The following CDKAL1 variants were observed in gnomAD, a reference collection of about 807,000 sequenced individuals.
CDKAL1 encodes the protein threonylcarbamoyladenosine tRNA methylthiotransferase.
Under a neutral mutation model 68.2 loss-of-function variants are expected in CDKAL1, and 32 were observed. The observed-to-expected ratio is 0.47, with a 90% confidence interval of 0.35 to 0.63. CDKAL1 has a LOEUF of 0.63. Ranked by LOEUF, CDKAL1 falls within the 30% of genes least tolerant of loss-of-function variation. CDKAL1 has a pLI of 0.00. For synonymous variants in CDKAL1, 234 were observed against 244.3 expected (o/e 0.96, Z 0.39); for missense variants, 606 against 696.7 (o/e 0.87, Z 1.47).
intron 7 of CDKAL1, among the ~76,000 whole-genome samples, chr6:20,777,220 G>C (rs114084466): frequency 0.011 from 1,703 of 152,290 alleles, 32 homozygotes; most frequent in African/African-American, 0.038. Context: ...AGGCAGAAAA[G>C]AAGAGGCACT....
At chr6:20,557,166 G>A (rs141011067) in intron 4 of CDKAL1, among the ~76,000 whole-genome samples, 4 of 151,944 alleles carry the variant, frequency 2.6e-5, no homozygotes, top group East Asian at 1.9e-4. Flanking sequence ...TAAGTAATAA[G>A]TATTTACAGT....
chr6:20,850,807 G>A (rs565603774), intron 9 of CDKAL1, among the ~76,000 whole-genome samples: 2 of 152,252 alleles, frequency 1.3e-5, no homozygotes, highest in South Asian at 4.1e-4. Flanking sequence ...AGGCAAGGAA[G>A]CATTCAGAAG....
intron 13 of CDKAL1, among the ~76,000 whole-genome samples, chr6:21,193,727 T>A (rs1453907741): frequency 6.6e-6 from 1 of 152,232 alleles, no homozygotes; most frequent in Non-Finnish European, 1.5e-5. Context: ...GCTTCTGACC[T>A]TTCATTGTCC....
intron 12 of CDKAL1, among the ~76,000 whole-genome samples, chr6:21,078,711 G>A (rs1200033358): frequency 1.3e-5 from 2 of 152,040 alleles, no homozygotes; most frequent in African/African-American, 2.4e-5. Flanking sequence ...CTCACACAGC[G>A]GGGTGCAGGG....
chr6:20,797,905 C>T (rs766571323), intron 8 of CDKAL1, among the ~76,000 whole-genome samples: 5 of 151,700 alleles, frequency 3.3e-5, no homozygotes, highest in Non-Finnish European at 5.9e-5. Context: ...CGTTCTCTGT[C>T]TTCTGGGGTC....
chr6:20,655,422 C>T (rs1403745823), intron 5 of CDKAL1, among the ~76,000 whole-genome samples: 1 of 152,176 alleles, frequency 6.6e-6, no homozygotes, highest in Non-Finnish European at 1.5e-5. Flanking sequence ...GAATTCTTTA[C>T]ATCAGGGGTC....
At chr6:20,890,389 C>T (rs1240392841) in intron 9 of CDKAL1, among the ~76,000 whole-genome samples, 2 of 152,114 alleles carry the variant, frequency 1.3e-5, no homozygotes, top group Non-Finnish European at 2.9e-5. Context: ...CATCAGCACC[C>T]GGATTGGAAC....
chr6:21,013,650 T>G (rs1326094334), intron 11 of CDKAL1, among the ~76,000 whole-genome samples: 1 of 152,202 alleles, frequency 6.6e-6, no homozygotes, highest in East Asian at 1.9e-4. Flanking sequence ...AAGTTAACAT[T>G]TGTACTGTCT....
intron 13 of CDKAL1, among the ~76,000 whole-genome samples, chr6:21,167,733 C>G (rs1777209586): frequency 6.6e-6 from 1 of 152,192 alleles, no homozygotes; most frequent in African/African-American, 2.4e-5. Flanking sequence ...AGTACCTTGT[C>G]TAAGACATTC....
At chr6:21,185,416 T>C (rs1406165459) in intron 13 of CDKAL1, among the ~76,000 whole-genome samples, 1 of 152,232 alleles carries the variant, frequency 6.6e-6, no homozygotes, top group Non-Finnish European at 1.5e-5. Context: ...TTATCTTTGT[T>C]AGTAATCACC....
chr6:21,072,884 A>G (rs1234978792), intron 12 of CDKAL1, among the ~76,000 whole-genome samples: 2 of 152,162 alleles, frequency 1.3e-5, no homozygotes, highest in East Asian at 3.9e-4. Context: ...CCTAGGTGGT[A>G]TACATTATAT....
chr6:21,018,883 G>A (rs1220650462), intron 11 of CDKAL1, among the ~76,000 whole-genome samples: 1 of 152,036 alleles, frequency 6.6e-6, no homozygotes, highest in Non-Finnish European at 1.5e-5. Flanking sequence ...GTGGTAAAAG[G>A]GAAGATATAC....
chr6:21,163,850 C>T (rs181430113), intron 13 of CDKAL1, among the ~76,000 whole-genome samples: 1 of 152,216 alleles, frequency 6.6e-6, no homozygotes, highest in East Asian at 1.9e-4. Flanking sequence ...ACTTGGAAGG[C>T]TGAGGCAGGA....
intron 11 of CDKAL1, among the ~76,000 whole-genome samples, chr6:21,016,012 T>C (rs182929148): frequency 3.6e-4 from 54 of 151,972 alleles, no homozygotes; most frequent in Non-Finnish European, 7.4e-5. Flanking sequence ...TTTCTACTTA[T>C]GAAATAATCA....
intron 14 of CDKAL1, among the ~76,000 whole-genome samples, chr6:21,199,305 G>A (rs1778594184): frequency 6.6e-6 from 1 of 152,198 alleles, no homozygotes; most frequent in African/African-American, 2.4e-5. Context: ...AAACAGGGGA[G>A]CTTTTCAAAG....
At chr6:20,629,412 T>C (rs1402472063) in intron 4 of CDKAL1, among the ~76,000 whole-genome samples, 1 of 152,194 alleles carries the variant, frequency 6.6e-6, no homozygotes, top group African/African-American at 2.4e-5. Context: ...GGTTATTTTT[T>C]CCTCTTCGCA....
chr6:20,760,106 ATACCT>A (rs902799382), intron 7 of CDKAL1, among the ~76,000 whole-genome samples: 1 of 151,916 alleles, frequency 6.6e-6, no homozygotes, highest in African/African-American at 2.4e-5. Flanking sequence ...GAATGAGACT[ATACCT>A]TAATCTTTTT....
At position 21,195,054 on chromosome 6, in the gene CDKAL1, A is replaced by T. The variant is rs145478728; in HGVS notation, c.1300-2967A>T. Among the ~76,000 whole-genome samples, 1,266 of 152,166 alleles carry T rather than the reference A, an allele frequency of 8.3e-3. 15 individuals carry two copies. The highest frequency in any genetic ancestry group is 0.028 in the African/African-American group (1,169 of 41,526). On this transcript the variant is annotated intron_variant, in intron 13 of 15. Transcript: ENST00000274695. The stretch of plus-strand genomic sequence containing the variant: ...ACTCCCGGGCTCAAGCAAGTTTTAT[A>T]TATTTATAATATATATGTATGCATA...
chr6:20,655,336 G>A (rs1347721478), intron 5 of CDKAL1, among the ~76,000 whole-genome samples: 1 of 152,172 alleles, frequency 6.6e-6, no homozygotes, highest in African/African-American at 2.4e-5. Flanking sequence ...CAGAGTGGTT[G>A]TAGTCCAGGT....
Sources: allele counts gnomAD v4.1 joint callset (sites outside exome capture counted in the v4.1 genomes callset), GRCh38; gene constraint gnomAD v4.1.1; transcripts MANE v1.5; gene names NCBI Gene and HGNC (gene_info 2026-07-23, HGNC 2026-07-21).